Variants in NRXN3 observed in about 807,000 individuals in gnomAD.
NRXN3 encodes neurexin III.
A neutral mutation model predicts 137.6 loss-of-function variants in NRXN3; 32 were observed. The ratio of observed to expected loss-of-function variants is 0.23; its 90% confidence interval spans 0.18 to 0.31. The LOEUF (loss-of-function observed/expected upper bound fraction) is 0.31, where lower values mean the gene tolerates loss of function less well. Among genes scored for constraint, NRXN3 ranks in the 10% least tolerant of loss-of-function variants. The pLI is 1.00. For missense variants in NRXN3, 1,574 were observed against 2,062.5 expected (o/e 0.76, Z 4.59); for synonymous variants, 798 against 784.5 (o/e 1.02, Z -0.29).
intron 4 of NRXN3, among the ~76,000 whole-genome samples, chr14:78,584,104 G>A (rs1286642861): frequency 1.3e-5 from 2 of 152,094 alleles, no homozygotes; most frequent in African/African-American, 4.8e-5. Context: ...TGGGGTCATG[G>A]TTAAAAAGAG....
chr14:78,584,197 G>A (rs761270307), intron 4 of NRXN3, among the ~76,000 whole-genome samples: 3 of 152,142 alleles, frequency 2.0e-5, no homozygotes, highest in Non-Finnish European at 4.4e-5. Context: ...CTGTATGTGT[G>A]CCTGCGATTG....
chr14:79,652,753 T>C (rs927974305), intron 16 of NRXN3, among the ~76,000 whole-genome samples: 1 of 152,038 alleles, frequency 6.6e-6, no homozygotes, highest in African/African-American at 2.4e-5. Flanking sequence ...ACTTTCCTTT[T>C]CATATTTCTG....
chr14:79,089,369 G>C (rs574234989), intron 15 of NRXN3, among the ~76,000 whole-genome samples: 143 of 152,188 alleles, frequency 9.4e-4, no homozygotes, highest in Admixed American at 2.0e-3. Context: ...TGTTTGCTTT[G>C]AGCTTCCATG....
At chr14:78,687,827 A>G (rs2098136880) in intron 6 of NRXN3, among the ~76,000 whole-genome samples, 1 of 152,190 alleles carries the variant, frequency 6.6e-6, no homozygotes, top group Non-Finnish European at 1.5e-5. Flanking sequence ...AGAAGTAATC[A>G]TATGGCTCCA....
chr14:79,868,248 C>A lies in NRXN3; in HGVS notation c.*6284C>A, dbSNP rs527620475. ...ATTAGCTGCTATATGCATGACTAAC[C>A]AGGACCAAAAAGTTAATAAAAATAC... On this transcript the variant is annotated 3_prime_UTR_variant, in exon 21 of 21. Transcript: ENST00000335750. 6.6e-6 allele frequency: 1 copy of A among 152,116 alleles called. No individual in the cohort carries two copies. The highest frequency in any genetic ancestry group is 6.5e-5 in the Admixed American group (1 of 15,276). 9.4% of individuals were successfully genotyped at this position (152,116 alleles called of 1,614,324 possible). A position where few individuals can be genotyped will look rare whatever the true frequency, so the allele number is the denominator to read the frequency against.
intron 15 of NRXN3, among the ~76,000 whole-genome samples, chr14:79,221,647 T>C (rs983581447): frequency 1.2e-4 from 19 of 152,322 alleles, no homozygotes; most frequent in Admixed American, 1.2e-3. Context: ...AGATTCCGGA[T>C]ATTAGCCCTT....
chr14:79,137,015 A>AC (rs1365226174), intron 15 of NRXN3, among the ~76,000 whole-genome samples: 3 of 152,138 alleles, frequency 2.0e-5, no homozygotes, highest in Non-Finnish European at 4.4e-5. Flanking sequence ...ATCACCTTTT[A>AC]CCCCTTGGGG....
At chr14:78,641,377 C>A (rs1337530899) in intron 4 of NRXN3, among the ~76,000 whole-genome samples, 2 of 152,100 alleles carry the variant, frequency 1.3e-5, no homozygotes, top group Non-Finnish European at 2.9e-5. Flanking sequence ...TTGATTTGCT[C>A]TTTTAAAGAC....
At chr14:79,391,026 C>T (rs920996439) in intron 15 of NRXN3, among the ~76,000 whole-genome samples, 4 of 152,060 alleles carry the variant, frequency 2.6e-5, no homozygotes, top group Non-Finnish European at 5.9e-5. Context: ...GTAGGCCCTT[C>T]GACCTTGGAC....
chr14:78,246,127 T>A (rs1331604460), intron 2 of NRXN3, among the ~76,000 whole-genome samples: 4 of 152,220 alleles, frequency 2.6e-5, no homozygotes. Flanking sequence ...GCAAGTGTGT[T>A]GTTAGCTTGC....
chr14:79,013,989 T>A (rs1022190957), intron 15 of NRXN3, among the ~76,000 whole-genome samples: 5 of 152,200 alleles, frequency 3.3e-5, no homozygotes, highest in African/African-American at 1.2e-4. Flanking sequence ...TCAAAGGTTC[T>A]TCTCTAAGAC....
At chr14:79,340,679 G>C (rs944936464) in intron 15 of NRXN3, among the ~76,000 whole-genome samples, 1 of 152,152 alleles carries the variant, frequency 6.6e-6, no homozygotes, top group Non-Finnish European at 1.5e-5. Context: ...TGTCAGGCTG[G>C]TCTCGAATTC....
intron 16 of NRXN3, among the ~76,000 whole-genome samples, chr14:79,516,551 A>T (rs1451360003): frequency 6.6e-6 from 1 of 152,134 alleles, no homozygotes; most frequent in East Asian, 1.9e-4. Flanking sequence ...CTAGTTTTTA[A>T]ATTCAGTGTG....
chr14:78,355,098 TG>T (rs1366529247), intron 4 of NRXN3, among the ~76,000 whole-genome samples: 2 of 152,224 alleles, frequency 1.3e-5, no homozygotes, highest in African/African-American at 4.8e-5. Flanking sequence ...TCTCTTTGCC[TG>T]GATCATGACC....
intron 4 of NRXN3, among the ~76,000 whole-genome samples, chr14:78,485,588 AT>A (rs757864289): frequency 1.9e-4 from 29 of 152,370 alleles, no homozygotes; most frequent in Non-Finnish European, 2.8e-4. Flanking sequence ...TTGCTATTAC[AT>A]CAGCATTGTT....
chr14:78,738,571 C>A (rs2098551007), intron 8 of NRXN3, among the ~76,000 whole-genome samples: 1 of 152,128 alleles, frequency 6.6e-6, no homozygotes. Context: ...ATGTCATCAG[C>A]CATGGGAACT....
intron 10 of NRXN3, among the ~76,000 whole-genome samples, chr14:78,817,469 G>A (rs2098937320): frequency 1.3e-5 from 2 of 152,156 alleles, no homozygotes; most frequent in South Asian, 4.1e-4. Context: ...CATAAGTTAT[G>A]TCTTAGTCCA....
At chr14:79,366,980 C>CTTTTTTTT (rs71131695) in intron 15 of NRXN3, among the ~76,000 whole-genome samples, 3 of 113,204 alleles carry the variant, frequency 2.7e-5, no homozygotes, top group African/African-American at 3.2e-5. Context: ...GTCCCTTAGT[C>CTTTTTTTT]TTTTTTTTTT....
At position 78,288,320 on chromosome 14, in the gene NRXN3, C is replaced by A. The variant is rs935371728; in HGVS notation, c.728-9511C>A. Among the ~76,000 whole-genome samples, 2 of 152,136 alleles carry A rather than the reference C, an allele frequency of 1.3e-5. 1 individual carries two copies. The highest frequency in any genetic ancestry group is 4.1e-4 in the South Asian group (2 of 4,824). ...TAGATTAGATATCTATTAATGACAG[C>A]ACCAAACACCTTAGCCTTAATAAAA... is the stretch of plus-strand genomic sequence containing the variant. On this transcript the variant is annotated intron_variant, in intron 3 of 20. Coordinates refer to ENST00000335750, the MANE Select transcript of NRXN3 (RefSeq NM_001330195.2).
Sources: gnomAD v4.1 joint callset for allele counts (sites outside exome capture counted in the v4.1 genomes callset) on GRCh38, gnomAD v4.1.1 for gene constraint, MANE v1.5 for transcripts, NCBI Gene and HGNC (gene_info 2026-07-23, HGNC 2026-07-21) for gene names.